TRMO: variants seen among roughly 807,000 people sequenced by gnomAD.
TRMO encodes tRNA methyltransferase O, also known as tRNA (adenine(37)-N6)-methyltransferase.
In TRMO, 30 loss-of-function variants were observed where a neutral mutation model predicts 37.2. That is an observed-to-expected ratio of 0.81 (90% CI 0.60 to 1.09). The LOEUF is 1.09. TRMO is among the 50% of genes least tolerant of loss of function. TRMO has a pLI of 0.00. For synonymous variants in TRMO, 239 were observed against 199.4 expected (o/e 1.20, Z -1.67); for missense variants, 552 against 549.5 (o/e 1.00, Z -0.05).
chr9:97,904,897 G>C lies in TRMO; in HGVS notation c.1162C>G (p.Arg388Gly). Residue 388 changes from arginine to glycine, a missense_variant, in exon 5 of 5, where the codon CGC becomes GGC. Coordinates refer to ENST00000375119, the MANE Select transcript of TRMO (RefSeq NM_016481.5). ...AGGCGGTCCTGGCAAAGCTTCCGGC[G>C]GTACACAGACCGAGGATCCGCTGAC... ...VLSADPRSVY[R>G]RKLCQDRLFY... 1 of 1,614,174 alleles carries C rather than the reference G, an allele frequency of 6.2e-7. No individual in the cohort carries two copies. The highest frequency in any genetic ancestry group is 8.5e-7 in the Non-Finnish European group (1 of 1,180,030).
chr9:97,904,780 C>T lies in TRMO; in HGVS notation c.1279G>A (p.Val427Ile). The change falls in exon 5 of 5, where the codon GTT (valine) becomes ATT (isoleucine). Residue 427 changes from valine to isoleucine, a missense_variant. Physicochemically the swap from Val to Ile is conservative, Grantham distance 29. Coordinates refer to ENST00000375119, the MANE Select transcript of TRMO (RefSeq NM_016481.5). ...VLRIKPASEP[V>I]HMTGPVGSLV... is the part of the protein sequence containing the mutation. ...GACCCCACAGGGCCAGTCATATGAA[C>T]AGGCTCAGAAGCCGGCTTGATCCTC... The T allele has an allele frequency of 6.2e-7, 1 of 1,614,180 alleles. No homozygotes were observed. The highest frequency in any genetic ancestry group is 1.1e-5 in the South Asian group (1 of 91,080).
chr9:97,898,163 T>C, the TRMO span, among the ~76,000 whole-genome samples: 1 of 152,182 alleles, frequency 6.6e-6, no homozygotes, highest in Non-Finnish European at 1.5e-5. Flanking sequence ...ACTGCGGGCA[T>C]TGAAAAGGCT....
chr9:97,901,764 A>AG (rs1184179412), downstream of TRMO, among the ~76,000 whole-genome samples: 2 of 151,858 alleles, frequency 1.3e-5, no homozygotes, highest in African/African-American at 4.8e-5. Context: ...GGCTAAAAAA[A>AG]AAAAAAGCTT....
the TRMO span, among the ~76,000 whole-genome samples, chr9:97,898,456 C>T: frequency 6.6e-6 from 1 of 152,134 alleles, no homozygotes; most frequent in Non-Finnish European, 1.5e-5. Context: ...CTCAGCCCCC[C>T]ACCCCACTGA....
chr9:97,904,019 T>C (rs1347950346), downstream of TRMO, among the ~76,000 whole-genome samples: 1 of 152,072 alleles, frequency 6.6e-6, no homozygotes, highest in African/African-American at 2.4e-5. Context: ...GAGGCAGAGA[T>C]TGCAGTGAGC....
chr9:97,907,445 A>G (rs941678161), intron 4 of TRMO, among the ~76,000 whole-genome samples: 1 of 152,224 alleles, frequency 6.6e-6, no homozygotes, highest in Non-Finnish European at 1.5e-5. Flanking sequence ...GGATTATCAA[A>G]GCCAAATACC....
chr9:97,917,689 G>T (rs1352127439), intron 1 of TRMO, among the ~76,000 whole-genome samples: 1 of 151,864 alleles, frequency 6.6e-6, no homozygotes, highest in Non-Finnish European at 1.5e-5. Context: ...GTTTGTGTTT[G>T]TTTTTTTGAG....
intron 4 of TRMO, among the ~76,000 whole-genome samples, chr9:97,906,783 G>A (rs1382189695): frequency 1.3e-5 from 2 of 150,558 alleles, no homozygotes; most frequent in African/African-American, 2.4e-5. Flanking sequence ...AGGCGGTTGC[G>A]GTGAGCCGAG....
chr9:97,910,798 T>C, intron 3 of TRMO, 182 bp from the exon 4 acceptor site: 1 of 675,630 alleles, frequency 1.5e-6, no homozygotes, highest in Non-Finnish European at 2.5e-6. Context: ...CTTCTCTACC[T>C]ATCAAACTCC....
downstream of TRMO, among the ~76,000 whole-genome samples, chr9:97,900,520 G>A (rs553095903): frequency 3.2e-4 from 48 of 152,338 alleles, no homozygotes; most frequent in South Asian, 7.9e-3. Context: ...AGACTCATGT[G>A]CTGAATCATA....
chr9:97,913,024 G>T, intron 3 of TRMO: 1 of 817,188 alleles, frequency 1.2e-6, no homozygotes, highest in Non-Finnish European at 1.8e-6. Context: ...TTCCATATGT[G>T]CATGTACAAT....
In TRMO at chr9:97,904,775, A is replaced by G; in HGVS notation, c.1284T>C (p.His428=). 6.2e-7 allele frequency: 1 copy of G among 1,614,204 alleles called. No individual in the cohort carries two copies. Among genetic ancestry groups the G allele is most frequent in the Non-Finnish European group, 8.5e-7 (1 of 1,180,040 alleles). Residue 428 remains histidine (H), a synonymous_variant, in exon 5 of 5, where the codon CAT becomes CAC. Coordinates refer to ENST00000375119, the MANE Select transcript of TRMO (RefSeq NM_016481.5). The stretch of plus-strand genomic sequence containing the variant: ...CCAAGGACCCCACAGGGCCAGTCAT[A>G]TGAACAGGCTCAGAAGCCGGCTTGA... ...LRIKPASEPV[H]MTGPVGSLVS...
At chr9:97,914,511 C>T (rs940303047) in intron 2 of TRMO, among the ~76,000 whole-genome samples, 3 of 152,102 alleles carry the variant, frequency 2.0e-5, no homozygotes, top group African/African-American at 7.2e-5. Context: ...TGCTTACCTT[C>T]TAACCCAATA....
Position 97,913,549 on chromosome 9 carries a change from A to G in TRMO, c.261T>C (p.Phe87=). 6.2e-7 allele frequency: 1 copy of G among 1,606,558 alleles called. No individual in the cohort carries two copies. The part of the protein sequence containing the change: ...LEQFSHVWIL[F]VFHKNGHLSC... ...TCAAATGACCATTTTTGTGAAAAAC[A>G]AACAAAATCCTATAGAAAACAAAAC... The change falls in exon 3 of 5, where the codon TTT becomes TTC. Residue 87 remains phenylalanine (F), a synonymous_variant. Transcript: ENST00000375119.
At chr9:97,911,121 C>A in intron 3 of TRMO, 1 of 289,606 alleles carries the variant, frequency 3.5e-6, no homozygotes, top group Non-Finnish European at 7.1e-6. Flanking sequence ...CAAAAGTGGC[C>A]CTGTGACCCG....
At chr9:97,915,529 T>C (rs1826317549) in intron 2 of TRMO, among the ~76,000 whole-genome samples, 2 of 152,170 alleles carry the variant, frequency 1.3e-5, no homozygotes, top group African/African-American at 2.4e-5. Flanking sequence ...AGGGGCAGAG[T>C]CAAGGAGGTC....
chr9:97,898,446 C>T, the TRMO span, among the ~76,000 whole-genome samples: 2 of 152,154 alleles, frequency 1.3e-5, no homozygotes, highest in African/African-American at 2.4e-5. Flanking sequence ...ATCCTCCTAC[C>T]TCAGCCCCCC....
chr9:97,919,362 G>GAA (rs1031619832), intron 1 of TRMO, among the ~76,000 whole-genome samples: 3 of 76,502 alleles, frequency 3.9e-5, no homozygotes, highest in Non-Finnish European at 8.5e-5. Flanking sequence ...ACAAAGAGAA[G>GAA]AAAAAAAAAA....
downstream of TRMO, among the ~76,000 whole-genome samples, chr9:97,901,398 ACCTCC>A (rs1446625072): frequency 3.3e-5 from 5 of 152,112 alleles, no homozygotes; most frequent in East Asian, 9.7e-4. Context: ...TGATGTACTC[ACCTCC>A]CACTTAATAA....
Sources: gnomAD v4.1 joint callset for allele counts (sites outside exome capture counted in the v4.1 genomes callset) on GRCh38, gnomAD v4.1.1 for gene constraint, MANE v1.5 for transcripts, NCBI Gene and HGNC (gene_info 2026-07-23, HGNC 2026-07-21) for gene names.